Variants in ROBO2 observed in about 807,000 individuals in gnomAD.
ROBO2 encodes the protein roundabout homolog 2.
A neutral mutation model predicts 160.8 loss-of-function variants in ROBO2; 53 were observed. That is an observed-to-expected ratio of 0.33 (90% confidence interval 0.26 to 0.41). The LOEUF (loss-of-function observed/expected upper bound fraction) is 0.41. ROBO2 is among the 10% of genes least tolerant of loss of function. The pLI is 1.00. For synonymous variants in ROBO2, 664 were observed against 611.7 expected (o/e 1.09, Z -1.26); for missense variants, 1,577 against 1,722.4 (o/e 0.92, Z 1.49).
At chr3:77,187,289 A>G (rs908065916) in intron 2 of ROBO2, among the ~76,000 whole-genome samples, 1 of 151,998 alleles carries the variant, frequency 6.6e-6, no homozygotes, top group Non-Finnish European at 1.5e-5. Flanking sequence ...ACTATTAATA[A>G]CACATTCAGG....
chr3:75,915,335 TC>T (rs780222818), intron 1 of ROBO2, among the ~76,000 whole-genome samples: 81 of 152,312 alleles, frequency 5.3e-4, no homozygotes, highest in Non-Finnish European at 7.3e-4. Flanking sequence ...AGCAGAGGGT[TC>T]AGAAATGCTA....
intron 2 of ROBO2, among the ~76,000 whole-genome samples, chr3:76,718,258 A>C (rs1383955364): frequency 6.6e-6 from 1 of 152,216 alleles, no homozygotes; most frequent in African/African-American, 2.4e-5. Flanking sequence ...CTGTGAGAAC[A>C]GCTATTGCTA....
chr3:76,308,632 A>G (rs1425197377), intron 2 of ROBO2, among the ~76,000 whole-genome samples: 1 of 152,032 alleles, frequency 6.6e-6, no homozygotes, highest in Non-Finnish European at 1.5e-5. Context: ...ACTCTTGTTT[A>G]TTCCATTTGC....
At position 76,990,557 on chromosome 3, in the gene ROBO2, T is replaced by C. The variant is rs934738023; in HGVS notation, c.110-107457T>C. Among the ~76,000 whole-genome samples, 7 of 152,288 alleles carry C rather than the reference T, an allele frequency of 4.6e-5. 1 individual carries two copies. Among genetic ancestry groups the C allele is most frequent in the African/African-American group, 1.7e-4 (7 of 41,568 alleles). ...GTTACAGTAGATAGCTAGTCAGACATGAGCAGAGCAGGAGAGGGCTCCCTC... is the reference window on the plus strand; with the variant it reads ...GTTACAGTAGATAGCTAGTCAGACACGAGCAGAGCAGGAGAGGGCTCCCTC... On this transcript the variant is annotated intron_variant, in intron 2 of 26. Coordinates refer to the ROBO2 transcript ENST00000487694.
At chr3:76,617,286 T>C (rs2088665297) in intron 2 of ROBO2, among the ~76,000 whole-genome samples, 1 of 10,880 alleles carries the variant, frequency 9.2e-5, no homozygotes, top group African/African-American at 1.6e-4. Flanking sequence ...TTATTGTATA[T>C]ATATATATAT....
At chr3:77,564,530 T>C (rs1225166446) in intron 11 of ROBO2, 2 of 452,912 alleles carry the variant, frequency 4.4e-6, no homozygotes, top group African/African-American at 2.0e-5. Context: ...CAGGAAAATG[T>C]ATTGGCATAA....
chr3:76,359,225 A>G (rs1168480084), intron 2 of ROBO2, among the ~76,000 whole-genome samples: 3 of 151,968 alleles, frequency 2.0e-5, no homozygotes, highest in Admixed American at 6.6e-5. Flanking sequence ...TAGTGCCGCA[A>G]TAAACATACG....
intron 15 of ROBO2, among the ~76,000 whole-genome samples, chr3:77,578,731 T>C (rs1417223940): frequency 6.6e-6 from 1 of 152,086 alleles, no homozygotes; most frequent in Non-Finnish European, 1.5e-5. Flanking sequence ...TTATAAGCAT[T>C]AGGACATTGT....
At chr3:76,871,588 C>T (rs2072096356) in intron 2 of ROBO2, among the ~76,000 whole-genome samples, 2 of 151,976 alleles carry the variant, frequency 1.3e-5, no homozygotes, top group Non-Finnish European at 2.9e-5. Flanking sequence ...AAAAATACCT[C>T]CTTAGCTAAA....
rs377381184 is a variant in ROBO2 at position 77,310,126 on chromosome 3, CCT to C, written c.389-167285_389-167284del. On this transcript the variant is annotated intron_variant, in intron 2 of 25. Coordinates refer to ENST00000461745, the Ensembl canonical transcript of ROBO2. ...TTCAGTGACTGAAAGAGGAAAATTT[CCT>C]CTTATTTTACGTTTCCTTTAATGGA... Among the ~76,000 whole-genome samples the C allele has an allele frequency of 4.8e-4, 73 of 152,182 alleles. No homozygotes were observed. In the East Asian group the frequency reaches 0.01, roughly 21 times the overall value.
At chr3:76,857,652 A>C (rs1057184677) in intron 2 of ROBO2, among the ~76,000 whole-genome samples, 1 of 152,150 alleles carries the variant, frequency 6.6e-6, no homozygotes, top group Non-Finnish European at 1.5e-5. Context: ...TAAGAAATCA[A>C]GGCTTCCTAA....
At chr3:76,585,600 T>A (rs772717659) in intron 2 of ROBO2, among the ~76,000 whole-genome samples, 6 of 152,190 alleles carry the variant, frequency 3.9e-5, no homozygotes, top group Non-Finnish European at 7.4e-5. Context: ...ACAACTGATA[T>A]AATCCATGAT....
chr3:76,064,684 G>A (rs1159697061), intron 2 of ROBO2, among the ~76,000 whole-genome samples: 1 of 151,942 alleles, frequency 6.6e-6, no homozygotes, highest in Non-Finnish European at 1.5e-5. Context: ...TTCTTTTAAT[G>A]CAAAATAAAA....
At chr3:77,489,489 G>A (rs146213831) in intron 4 of ROBO2, among the ~76,000 whole-genome samples, 1 of 152,216 alleles carries the variant, frequency 6.6e-6, no homozygotes, top group Non-Finnish European at 1.5e-5. Context: ...TAAATCAAGT[G>A]CCTCCACGTG....
intron 2 of ROBO2, among the ~76,000 whole-genome samples, chr3:76,946,755 A>T (rs1473987710): frequency 6.6e-6 from 1 of 152,094 alleles, no homozygotes; most frequent in Non-Finnish European, 1.5e-5. Flanking sequence ...CATCCCTGAG[A>T]ATCTTTTTCA....
intron 2 of ROBO2, among the ~76,000 whole-genome samples, chr3:77,120,729 G>A (rs2074671647): frequency 6.6e-6 from 1 of 151,990 alleles, no homozygotes; most frequent in Admixed American, 6.6e-5. Context: ...GTTTGAATGT[G>A]GACTTAAATA....
chr3:77,167,098 T>C (rs2079168968), intron 2 of ROBO2, among the ~76,000 whole-genome samples: 3 of 152,180 alleles, frequency 2.0e-5, no homozygotes, highest in Non-Finnish European at 4.4e-5. Context: ...CTGTACAAAT[T>C]TGAGTAAGCC....
chr3:77,414,835 A>G (rs1342069761), intron 2 of ROBO2, among the ~76,000 whole-genome samples: 6 of 152,234 alleles, frequency 3.9e-5, no homozygotes, highest in South Asian at 2.1e-4. Flanking sequence ...AGATTTCCAG[A>G]CAGTGTTGTT....
intron 2 of ROBO2, among the ~76,000 whole-genome samples, chr3:76,050,490 T>A (rs995094513): frequency 4.6e-5 from 7 of 152,122 alleles, no homozygotes; most frequent in Non-Finnish European, 1.0e-4. Flanking sequence ...TGTGAGTCAA[T>A]TCTCCTAATA....
Sources: allele counts gnomAD v4.1 joint callset (sites outside exome capture counted in the v4.1 genomes callset), GRCh38; gene constraint gnomAD v4.1.1; transcripts MANE v1.5; gene names NCBI Gene and HGNC (gene_info 2026-07-23, HGNC 2026-07-21).